ZAR1: variants seen among roughly 807,000 people sequenced by gnomAD.
ZAR1 encodes zygote arrest protein 1.
ZAR1 carries 37 observed loss-of-function variants against 38.3 expected under a neutral mutation model. The ratio of observed to expected loss-of-function variants is 0.97; its 90% confidence interval spans 0.74 to 1.27. The LOEUF (loss-of-function observed/expected upper bound fraction) is 1.27, where lower values mean the gene tolerates loss of function less well. Among genes scored for constraint, ZAR1 ranks in the 50% most tolerant of loss-of-function variants. ZAR1 has a pLI of 0.00. For missense variants in ZAR1, 651 were observed against 632.4 expected, an observed-to-expected ratio of 1.03 and a Z score of -0.32; for synonymous variants, 336 against 292.0, an observed-to-expected ratio of 1.15 and a Z score of -1.53.
At chr4:48,493,569 A>G (rs1718503212) in intron 3 of ZAR1, among the ~76,000 whole-genome samples, 1 of 152,248 alleles carries the variant, frequency 6.6e-6, no homozygotes, top group Non-Finnish European at 1.5e-5. Context: ...GCTAATCTTT[A>G]AGAGGAAAGA....
In ZAR1 at chr4:48,490,676, C is replaced by G; in HGVS notation, c.385C>G (p.Arg129Gly). The G allele has an allele frequency of 3.0e-6, 4 of 1,316,398 alleles. No individual in the cohort carries two copies. Among genetic ancestry groups the G allele is most frequent in the Non-Finnish European group, 3.9e-6 (4 of 1,037,752 alleles). The allele number at this position is 1,316,398 out of a possible 1,614,324, so 81.5% of individuals were successfully genotyped here. A position where few individuals can be genotyped will look rare whatever the true frequency, so the allele number is the denominator to read the frequency against. ...CTCGCTGGGGAGGCGCACGCTGCAG[C>G]GCCGGGCCCGCGACCCCGAGTCCCC... ...QCSLGRRTLQ[R>G]RARDPESPAG... The change falls in exon 1 of 4, where the codon CGC becomes GGC. Residue 129 changes from arginine to glycine, a missense_variant. Physicochemically the swap from Arg to Gly is moderately radical, Grantham distance 125. Around this residue, in one of 2 missense-constraint regions of ZAR1, gnomAD observed 522 missense variants for 459.9 expected, o/e 1.14. Transcript: ENST00000327939.
downstream of ZAR1, among the ~76,000 whole-genome samples, chr4:48,495,931 G>A (rs983087008): frequency 1.3e-5 from 2 of 152,118 alleles, no homozygotes; most frequent in African/African-American, 4.8e-5. Context: ...AGACTGGAAG[G>A]GTGTTTTAGG....
downstream of ZAR1, chr4:48,494,444 T>C: frequency 3.1e-6 from 2 of 651,788 alleles, no homozygotes; most frequent in Non-Finnish European, 2.5e-6. Flanking sequence ...AGCGCTTGTC[T>C]TGTGCTAACA....
chr4:48,493,490 TAAGC>T (rs1718501343), intron 3 of ZAR1, among the ~76,000 whole-genome samples: 1 of 152,250 alleles, frequency 6.6e-6, no homozygotes, highest in Non-Finnish European at 1.5e-5. Flanking sequence ...ACTATAATGG[TAAGC>T]AAGCAATATG....
In ZAR1 at chr4:48,490,376, G is replaced by C. The variant is rs1553908870; in HGVS notation, c.85G>C (p.Ala29Pro). 41 of 1,503,712 alleles carry C rather than the reference G, an allele frequency of 2.7e-5. 5 individuals are homozygous for C. In the South Asian group the frequency reaches 5.1e-4, roughly 19 times the overall value. 93.1% of individuals were successfully genotyped at this position (1,503,712 alleles called of 1,614,324 possible). ...CTCGTACCGGTACCCATACCCCGCG[G>C]CCACCAAGGGCAAGGGCGCGGCGGG... is the stretch of plus-strand genomic sequence containing the variant. ...PCSYRYPYPA[A>P]TKGKGAAGGS... is the part of the protein sequence containing the mutation. Residue 29 changes from alanine to proline, a missense_variant, in exon 1 of 4, where the codon GCC (alanine) becomes CCC (proline). Physicochemically the swap from Ala to Pro is conservative, Grantham distance 27. This residue lies in a region of ZAR1 where 522 missense variants were observed against 459.9 expected (regional missense o/e 1.14). Coordinates refer to ENST00000327939, the MANE Select transcript of ZAR1 (RefSeq NM_175619.3).
In ZAR1 at chr4:48,491,178, G is replaced by T; in HGVS notation, c.887G>T (p.Gly296Val). The change falls in exon 1 of 4, where the codon GGA becomes GTA. Residue 296 changes from glycine (G) to valine (V), a missense_variant. Physicochemically the swap from Gly to Val is moderately radical, Grantham distance 109. This residue lies in a region of ZAR1 where 129 missense variants were observed against 172.5 expected (regional missense o/e 0.75). Coordinates refer to ENST00000327939, the MANE Select transcript of ZAR1 (RefSeq NM_175619.3). ...SAGRARDGGDGREAAVAGEGP... is the reference protein window; with the variant it reads ...SAGRARDGGDVREAAVAGEGP... The stretch of plus-strand genomic sequence containing the variant: ...GGGAGGGCCCGAGACGGCGGCGACG[G>T]ACGGGAGGCGGCCGTCGCGGGAGAG... 4.8e-6 allele frequency: 6 copies of T among 1,239,032 alleles called. No individual in the cohort carries two copies. The highest frequency in any genetic ancestry group is 6.0e-6 in the Non-Finnish European group (6 of 993,258). 76.8% of individuals were successfully genotyped at this position (1,239,032 alleles called of 1,614,324 possible).
chr4:48,497,011 T>C (rs1032328270), downstream of ZAR1, among the ~76,000 whole-genome samples: 10 of 152,146 alleles, frequency 6.6e-5, no homozygotes, highest in Non-Finnish European at 1.5e-4. Flanking sequence ...GGTTATGTGT[T>C]TTGCCACACC....
At position 48,490,896 on chromosome 4, in the gene ZAR1, G is replaced by T; in HGVS notation, c.605G>T (p.Gly202Val). The change falls in exon 1 of 4, where the codon GGC (glycine) becomes GTC (valine). Residue 202 changes from glycine to valine, a missense_variant. By Grantham distance (109) the Gly-to-Val change is moderately radical (BLOSUM62 -3). Coordinates refer to ENST00000327939, the MANE Select transcript of ZAR1 (RefSeq NM_175619.3). ...AFLEGPGPAA[G>V]EQRSGASDGE... ...CTGGAGGGGCCCGGGCCCGCGGCGG[G>T]CGAGCAGAGGTCCGGGGCGTCGGAC... 7.2e-7 allele frequency: 1 copy of T among 1,389,450 alleles called. No individual in the cohort carries two copies. Among genetic ancestry groups the T allele is most frequent in the Non-Finnish European group, 9.3e-7 (1 of 1,076,136 alleles). 86.1% of individuals were successfully genotyped at this position (1,389,450 alleles called of 1,614,324 possible). A position where few individuals can be genotyped will look rare whatever the true frequency, so the allele number is the denominator to read the frequency against.
intron 1 of ZAR1, among the ~76,000 whole-genome samples, chr4:48,491,468 G>C (rs1319791788): frequency 6.6e-6 from 1 of 152,250 alleles, no homozygotes; most frequent in Admixed American, 6.5e-5. Flanking sequence ...CGTGGCGGCT[G>C]CTCCACGGGC....
chr4:48,490,498 G>A lies in ZAR1; in HGVS notation c.207G>A (p.Leu69=), dbSNP rs760777181. The A allele has an allele frequency of 6.8e-7, 1 of 1,470,062 alleles. No individual in the cohort carries two copies. The highest frequency in any genetic ancestry group is 1.3e-5 in the South Asian group (1 of 75,768). The allele number at this position is 1,470,062 out of a possible 1,614,324, so 91.1% of individuals were successfully genotyped here. A position where few individuals can be genotyped will look rare whatever the true frequency, so the allele number is the denominator to read the frequency against. ...ASLSFPGCGR[L]TAAEYFDSYQ... ...TGTCCTTCCCGGGCTGCGGGCGGCT[G>A]ACGGCCGCCGAGTACTTCGACAGCT... Residue 69 remains leucine (L), a synonymous_variant, in exon 1 of 4, where the codon CTG becomes CTA. Transcript: ENST00000327939.
intron 1 of ZAR1, among the ~76,000 whole-genome samples, chr4:48,491,836 A>G (rs1480174012): frequency 2.0e-5 from 3 of 152,210 alleles, no homozygotes; most frequent in Admixed American, 2.0e-4. Context: ...CTGCGAAAGC[A>G]TTTGGACTGC....
downstream of ZAR1, among the ~76,000 whole-genome samples, chr4:48,494,586 A>G (rs528026445): frequency 2.2e-4 from 33 of 152,230 alleles, no homozygotes; most frequent in Non-Finnish European, 2.6e-4. Flanking sequence ...TTATTTAGGC[A>G]GGTCTGGAGG....
chr4:48,490,960 AGAG>A lies in ZAR1; in HGVS notation c.674_676del (p.Glu225del), dbSNP rs1718420104. The A allele has an allele frequency of 1.6e-5, 22 of 1,351,952 alleles. No homozygotes were observed. In the South Asian group the frequency reaches 3.2e-4, roughly 20 times the overall value. The allele number at this position is 1,351,952 out of a possible 1,614,324, so 83.7% of individuals were successfully genotyped here. A position where few individuals can be genotyped will look rare whatever the true frequency, so the allele number is the denominator to read the frequency against. ...CGCCGCCCGCGCGGCTTCAAGGCCC[AGAG>A]GAGGGGGAGGTGTGGACGAAGAAGG... On this transcript the variant is annotated inframe_deletion, in exon 1 of 4. Transcript: ENST00000327939.
Position 48,491,145 on chromosome 4 carries a change from C to A in ZAR1, c.854C>A (p.Pro285Gln). 1.6e-6 allele frequency: 2 copies of A among 1,241,190 alleles called. No individual in the cohort carries two copies. The highest frequency in any genetic ancestry group is 2.0e-6 in the Non-Finnish European group (2 of 994,224). 76.9% of individuals were successfully genotyped at this position (1,241,190 alleles called of 1,614,324 possible). A position where few individuals can be genotyped will look rare whatever the true frequency, so the allele number is the denominator to read the frequency against. Residue 285 changes from proline (P) to glutamine (Q), a missense_variant, in exon 1 of 4, where the codon CCG becomes CAG. Coordinates refer to ENST00000327939, the MANE Select transcript of ZAR1 (RefSeq NM_175619.3). Reference sequence around the variant, plus strand: ...GCGCTAAGGAGCCCGGGGCAACCTCCGTCGGCGGGGAGGGCCCGAGACGGC... The same window carrying A: ...GCGCTAAGGAGCCCGGGGCAACCTCAGTCGGCGGGGAGGGCCCGAGACGGC... ...RSALRSPGQPPSAGRARDGGD... is the reference protein window; with the variant it reads ...RSALRSPGQPQSAGRARDGGD...
chr4:48,495,045 A>G (rs573822636), downstream of ZAR1, among the ~76,000 whole-genome samples: 1 of 151,830 alleles, frequency 6.6e-6, no homozygotes, highest in East Asian at 1.9e-4. Context: ...TTTTTAAAGT[A>G]GGCCTCCTAA....
At position 48,490,819 on chromosome 4, in the gene ZAR1, G is replaced by A. The variant is rs1241364387; in HGVS notation, c.528G>A (p.Pro176=). 5 of 1,507,272 alleles carry A rather than the reference G, an allele frequency of 3.3e-6. No individual in the cohort carries two copies. In the African/African-American group the frequency reaches 5.7e-5, roughly 17 times the overall value. 93.4% of individuals were successfully genotyped at this position (1,507,272 alleles called of 1,614,324 possible). Residue 176 remains proline (P), a synonymous_variant, in exon 1 of 4, where the codon CCG becomes CCA. Coordinates refer to ENST00000327939, the MANE Select transcript of ZAR1 (RefSeq NM_175619.3). The part of the protein sequence containing the change: ...QNGAPRPMRF[P]RTVAVYSPLA... ...GCGCCCCGCGGCCCATGCGCTTCCCGCGCACCGTCGCCGTGTACTCGCCCC... is the reference window on the plus strand; with the variant it reads ...GCGCCCCGCGGCCCATGCGCTTCCCACGCACCGTCGCCGTGTACTCGCCCC...
chr4:48,491,327 C>G, intron 1 of ZAR1, 73 bp downstream of exon 1: 6 of 1,130,642 alleles, frequency 5.3e-6, no homozygotes, highest in Non-Finnish European at 6.7e-6. Flanking sequence ...GGCCCTGTGA[C>G]TGCTTCGGGC....
chr4:48,493,062 T>C (rs1199647153), intron 3 of ZAR1, 50 bp downstream of exon 3: 1 of 1,575,130 alleles, frequency 6.3e-7, no homozygotes, highest in Non-Finnish European at 8.7e-7. Context: ...CGTCGAGGGT[T>C]TTTAGTATAG....
Position 48,490,737 on chromosome 4 carries a change from G to T in ZAR1, c.446G>T (p.Gly149Val). ...GPGAEGTTGG[G>V]SFSQQPSRRG... Reference sequence around the variant, plus strand: ...GGGGCCGAGGGCACCACGGGTGGCGGCTCTTTCTCCCAGCAGCCATCCCGT... The same window carrying T: ...GGGGCCGAGGGCACCACGGGTGGCGTCTCTTTCTCCCAGCAGCCATCCCGT... Residue 149 changes from glycine to valine, a missense_variant, in exon 1 of 4, where the codon GGC (glycine) becomes GTC (valine). Physicochemically the swap from Gly to Val is moderately radical, Grantham distance 109. Transcript: ENST00000327939. 1 of 1,386,926 alleles carries T rather than the reference G, an allele frequency of 7.2e-7. No homozygotes were observed. The highest frequency in any genetic ancestry group is 3.0e-5 in the East Asian group (1 of 33,680). 85.9% of individuals were successfully genotyped at this position (1,386,926 alleles called of 1,614,324 possible). A position where few individuals can be genotyped will look rare whatever the true frequency, so the allele number is the denominator to read the frequency against.
Sources: allele counts gnomAD v4.1 joint callset (sites outside exome capture counted in the v4.1 genomes callset), GRCh38; gene constraint gnomAD v4.1.1; regional missense constraint gnomAD v4.1.1; transcripts MANE v1.5; gene names NCBI Gene and HGNC (gene_info 2026-07-23, HGNC 2026-07-21).